Variants in MAPK10 observed in about 807,000 individuals in gnomAD.
MAPK10 encodes the protein JNK3 alpha protein kinase.
A neutral mutation model predicts 59.3 loss-of-function variants in MAPK10; 25 were observed. The observed-to-expected ratio is 0.42, with a 90% CI of 0.31 to 0.59. The LOEUF is 0.59. MAPK10 is among the 20% of genes least tolerant of loss of function. The probability of loss-of-function intolerance (pLI) is 0.15; values close to 1 mark genes in which losing one functional copy is unlikely to be tolerated. For missense variants in MAPK10, 351 were observed against 568.9 expected, an observed-to-expected ratio of 0.62 and a Z score of 3.90; for synonymous variants, 190 against 200.5, an observed-to-expected ratio of 0.95 and a Z score of 0.44.
chr4:86,181,452 T>C (rs1003949132), intron 3 of MAPK10, among the ~76,000 whole-genome samples: 1 of 152,130 alleles, frequency 6.6e-6, no homozygotes, highest in East Asian at 1.9e-4. Context: ...GGTAAATGTT[T>C]ACAGAGGACA....
intron 11 of MAPK10, chr4:86,031,760 G>T (rs1288155028): frequency 4.5e-6 from 1 of 223,384 alleles, no homozygotes; most frequent in Non-Finnish European, 8.8e-6. Context: ...CAAAACACTT[G>T]ATTACAATGG....
At chr4:86,188,517 AT>A (rs1437545331) in intron 3 of MAPK10, among the ~76,000 whole-genome samples, 1 of 151,918 alleles carries the variant, frequency 6.6e-6, no homozygotes, top group African/African-American at 2.4e-5. Context: ...GCTTTTTTTC[AT>A]ATGTTTGTTG....
intron 11 of MAPK10, among the ~76,000 whole-genome samples, chr4:86,054,153 C>T (rs1324827386): frequency 1.3e-5 from 2 of 152,164 alleles, no homozygotes; most frequent in African/African-American, 4.8e-5. Flanking sequence ...ATCTTGGATT[C>T]AGTGGATTCT....
At chr4:86,115,488 T>C (rs1259569981) in intron 4 of MAPK10, among the ~76,000 whole-genome samples, 2 of 151,808 alleles carry the variant, frequency 1.3e-5, no homozygotes, top group Non-Finnish European at 2.9e-5. Context: ...TTTTGGACAG[T>C]TTTGCTCTTG....
At chr4:86,528,991 G>A (rs900852449) in intron 1 of MAPK10, among the ~76,000 whole-genome samples, 2 of 152,154 alleles carry the variant, frequency 1.3e-5, no homozygotes, top group Non-Finnish European at 2.9e-5. Flanking sequence ...TTGGGTGAAG[G>A]GAAGAGTTCT....
chr4:86,555,163 A>G (rs1760158926), intron 1 of MAPK10, among the ~76,000 whole-genome samples: 1 of 152,132 alleles, frequency 6.6e-6, no homozygotes, highest in Non-Finnish European at 1.5e-5. Context: ...AAAAGTAGGG[A>G]TCTGCCGGGC....
At chr4:86,585,304 C>T (rs554950333) in intron 1 of MAPK10, among the ~76,000 whole-genome samples, 1 of 152,184 alleles carries the variant, frequency 6.6e-6, no homozygotes, top group South Asian at 2.1e-4. Context: ...ATCATTGCCA[C>T]AAATTACTAT....
intron 1 of MAPK10, among the ~76,000 whole-genome samples, chr4:86,494,740 G>T (rs1754732068): frequency 2.0e-5 from 3 of 150,326 alleles, no homozygotes; most frequent in Non-Finnish European, 4.4e-5. Flanking sequence ...CTACTCAGGA[G>T]GCTGAGGCAG....
At chr4:86,246,046 C>T (rs1237298609) in intron 2 of MAPK10, among the ~76,000 whole-genome samples, 3 of 152,182 alleles carry the variant, frequency 2.0e-5, no homozygotes, top group Non-Finnish European at 4.4e-5. Flanking sequence ...TTTTTCTATG[C>T]TATTATCCTT....
At chr4:86,133,892 C>CA (rs928265178) in intron 4 of MAPK10, among the ~76,000 whole-genome samples, 1 of 151,928 alleles carries the variant, frequency 6.6e-6, no homozygotes, top group African/African-American at 2.4e-5. Context: ...TCTCGGGTAA[C>CA]AAAAAAATAT....
intron 2 of MAPK10, chr4:86,300,940 A>ATTC (rs2095460527): frequency 1.3e-5 from 2 of 151,688 alleles, no homozygotes. Flanking sequence ...GAGAGAGGGA[A>ATTC]CAGTTCCAAA....
chr4:86,408,519 A>T (rs2149024470), intron 1 of MAPK10, among the ~76,000 whole-genome samples: 1 of 152,292 alleles, frequency 6.6e-6, no homozygotes, highest in South Asian at 2.1e-4. Context: ...TTCCACCAAC[A>T]GTGTAAAAGT....
chr4:86,075,840 T>G (rs1265439398), intron 9 of MAPK10, among the ~76,000 whole-genome samples: 1 of 152,176 alleles, frequency 6.6e-6, no homozygotes, highest in African/African-American at 2.4e-5. Context: ...GTTACTGCTG[T>G]CTTTTTGTTT....
At chr4:86,279,296 T>A (rs548515886) in intron 2 of MAPK10, among the ~76,000 whole-genome samples, 14 of 152,314 alleles carry the variant, frequency 9.2e-5, no homozygotes, top group African/African-American at 3.4e-4. Flanking sequence ...TGTTTTCTTT[T>A]CTTTTTTATC....
intron 4 of MAPK10, chr4:86,123,734 G>C (rs192179846): frequency 1.3e-5 from 2 of 152,050 alleles, no homozygotes; most frequent in East Asian, 1.9e-4. Context: ...TCTTCCACAT[G>C]TACTTACTTT....
At chr4:86,132,743 C>A (rs1485814764) in intron 4 of MAPK10, among the ~76,000 whole-genome samples, 1 of 152,100 alleles carries the variant, frequency 6.6e-6, no homozygotes, top group Non-Finnish European at 1.5e-5. Context: ...CTATTGTGAA[C>A]TGCGCATATG....
intron 2 of MAPK10, among the ~76,000 whole-genome samples, chr4:86,225,034 T>G (rs1203097119): frequency 2.0e-5 from 3 of 152,210 alleles, no homozygotes; most frequent in Non-Finnish European, 4.4e-5. Flanking sequence ...TAAAGTAAGT[T>G]AATACCCTAG....
intron 2 of MAPK10, among the ~76,000 whole-genome samples, chr4:86,248,425 A>G (rs190528423): frequency 3.9e-5 from 6 of 152,304 alleles, no homozygotes; most frequent in African/African-American, 1.4e-4. Flanking sequence ...TAAAATCTCA[A>G]TTCATCATTC....
intron 1 of MAPK10, among the ~76,000 whole-genome samples, chr4:86,524,515 A>G (rs1177241815): frequency 6.6e-6 from 1 of 152,184 alleles, no homozygotes; most frequent in Admixed American, 6.5e-5. Flanking sequence ...TAATTTCAGT[A>G]GTCTCCTAGT....
Sources: gnomAD v4.1 joint callset for allele counts (sites outside exome capture counted in the v4.1 genomes callset) on GRCh38, gnomAD v4.1.1 for gene constraint, MANE v1.5 for transcripts, NCBI Gene and HGNC (gene_info 2026-07-23, HGNC 2026-07-21) for gene names.